VWF: variants seen among roughly 807,000 people sequenced by gnomAD.
VWF encodes the protein von Willebrand factor.
A neutral mutation model predicts 308.6 loss-of-function variants in VWF; 176 were observed. The observed-to-expected ratio is 0.57, with a 90% CI of 0.50 to 0.65. VWF has a LOEUF of 0.65. Among genes scored for constraint, VWF ranks in the 30% least tolerant of loss-of-function variants. The pLI, the probability that VWF is intolerant of heterozygous loss-of-function variation, is 0.00. For missense variants in VWF, 3,146 were observed against 3,648.2 expected (o/e 0.86, Z 3.55); for synonymous variants, 1,385 against 1,443.4 (o/e 0.96, Z 0.92).
chr12:6,069,262 G>T (rs1330803437), intron 10 of VWF, among the ~76,000 whole-genome samples: 1 of 152,152 alleles, frequency 6.6e-6, no homozygotes, highest in Non-Finnish European at 1.5e-5. Context: ...GCATAGAGAA[G>T]TTCAACTCAT....
At position 6,019,726 on chromosome 12, in the gene VWF, T is replaced by G. The variant is rs61749368; in HGVS notation, c.3692A>C (p.Asn1231Thr). The G allele has an allele frequency of 2.1e-3, 3,394 of 1,610,398 alleles. 14 individuals are homozygous for G. Among genetic ancestry groups the G allele is most frequent in the African/African-American group, 0.012 (900 of 74,802 alleles). ...CTCCTGGCAGGCTTCACAGGTGAGG[T>G]TGACAACATCACAGTGGCTGCAGAA... ...HCQICHCDVV[N>T]LTCEACQEPG... Residue 1231 changes from asparagine to threonine, a missense_variant, in exon 28 of 52, where the codon AAC becomes ACC. Coordinates refer to ENST00000261405, the MANE Select transcript of VWF (RefSeq NM_000552.5). This position sits in a 1 kb window ranked among gnomAD's most constrained non-coding sequence, Gnocchi z 5.8.
chr12:5,957,931 T>C (rs1208443365), intron 47 of VWF, among the ~76,000 whole-genome samples: 6 of 152,206 alleles, frequency 3.9e-5, no homozygotes, highest in Non-Finnish European at 5.9e-5. Flanking sequence ...AATTTCTCTC[T>C]TCTTATGTAG....
intron 5 of VWF, among the ~76,000 whole-genome samples, chr12:6,101,077 A>G (rs780596483): frequency 6.6e-6 from 1 of 152,230 alleles, no homozygotes; most frequent in African/African-American, 2.4e-5. Context: ...AGCCAGGTTT[A>G]CCTTCTAAAA....
chr12:6,033,600 G>A lies in VWF; in HGVS notation c.2685+1088C>T, dbSNP rs535529623. Among the ~76,000 whole-genome samples, 9 of 152,336 alleles carry A rather than the reference G, an allele frequency of 5.9e-5. No individual in the cohort carries two copies. The South Asian group carries it at 1.9e-3, about 32-fold the overall frequency. On this transcript the variant is annotated intron_variant, in intron 20 of 51. Coordinates refer to ENST00000261405, the MANE Select transcript of VWF (RefSeq NM_000552.5). ...AGAATCTCTGGGAAAGCTCTAAAGG[G>A]GCGCATATCCCCCCGGATCATAGGT...
rs886049745 is a variant in VWF, at chr12:6,071,311, T to C, written c.1142A>G (p.Asn381Ser). The change falls in exon 10 of 52, where the codon AAT (asparagine) becomes AGT (serine). Residue 381 changes from asparagine to serine, a missense_variant. Around this residue, in one of 3 missense-constraint regions of VWF, gnomAD observed 1,304 missense variants for 1,353.0 expected, o/e 0.96. Coordinates refer to ENST00000261405, the MANE Select transcript of VWF (RefSeq NM_000552.5). Reference protein sequence around the residue: ...ICRNSQWICSNEECPGECLVT... With the variant: ...ICRNSQWICSSEECPGECLVT... ...AGGTCGCCTACCTGGACATTCTTCATTGCTGCAGATCCACTGGCTGTTTCG... is the reference window on the plus strand; with the variant it reads ...AGGTCGCCTACCTGGACATTCTTCACTGCTGCAGATCCACTGGCTGTTTCG... 1.4e-5 allele frequency: 22 copies of C among 1,614,176 alleles called. No homozygotes were observed. The highest frequency in any genetic ancestry group is 1.9e-5 in the Non-Finnish European group (22 of 1,180,018).
At chr12:6,113,934 G>A (rs1400574548) in intron 3 of VWF, among the ~76,000 whole-genome samples, 4 of 152,236 alleles carry the variant, frequency 2.6e-5, no homozygotes, top group African/African-American at 9.6e-5. Context: ...CAGAGCAGAA[G>A]CCTCCACCTG....
rs1565847336 is a variant in VWF, at chr12:6,057,831, G to A, written c.1729+18C>T. On this transcript the variant is annotated intron_variant, in intron 14 of 51. Coordinates refer to ENST00000261405, the MANE Select transcript of VWF (RefSeq NM_000552.5). Reference sequence around the variant, plus strand: ...CGAGATTCTGCGAGGTCCCTGCCTTGCCCCCGGGTTCACATACTCATGCGC... The same window carrying A: ...CGAGATTCTGCGAGGTCCCTGCCTTACCCCCGGGTTCACATACTCATGCGC... 1 of 1,594,512 alleles carries A rather than the reference G, an allele frequency of 6.3e-7. No individual in the cohort carries two copies. The highest frequency in any genetic ancestry group is 2.2e-5 in the East Asian group (1 of 44,612).
chr12:6,050,602 C>T (rs1944497713), intron 16 of VWF, among the ~76,000 whole-genome samples: 1 of 152,216 alleles, frequency 6.6e-6, no homozygotes, highest in South Asian at 2.1e-4. Context: ...TGCCAGAGGA[C>T]TTACCTTGGG....
At chr12:5,955,788 C>T (rs1446978985) in intron 47 of VWF, among the ~76,000 whole-genome samples, 1 of 152,076 alleles carries the variant, frequency 6.6e-6, no homozygotes, top group East Asian at 1.9e-4. Flanking sequence ...GGAAAAAAAT[C>T]AAATGGAAAT....
At chr12:6,084,792 G>A (rs999284882) in intron 6 of VWF, among the ~76,000 whole-genome samples, 1 of 152,116 alleles carries the variant, frequency 6.6e-6, no homozygotes, top group Non-Finnish European at 1.5e-5. Flanking sequence ...GGCGCCTGGA[G>A]TCTGAGCTGC....
At chr12:5,950,532 C>A (rs953186514) in intron 50 of VWF, among the ~76,000 whole-genome samples, 1 of 152,128 alleles carries the variant, frequency 6.6e-6, no homozygotes, top group Non-Finnish European at 1.5e-5. Flanking sequence ...CCAGTCTGAA[C>A]ACTGGGAGTT....
chr12:6,103,389 T>C (rs1945193308), intron 5 of VWF, among the ~76,000 whole-genome samples: 1 of 136,722 alleles, frequency 7.3e-6, no homozygotes, highest in Admixed American at 7.1e-5. Flanking sequence ...TATACACGTG[T>C]GTGTATACAC....
intron 47 of VWF, among the ~76,000 whole-genome samples, chr12:5,960,859 A>C (rs1425022754): frequency 6.6e-6 from 1 of 152,238 alleles, no homozygotes; most frequent in Non-Finnish European, 1.5e-5. Flanking sequence ...AGGGGGCCCC[A>C]GTACCAGTCC....
intron 47 of VWF, 98 bp from the exon 48 acceptor site, chr12:5,953,692 A>G (rs772047315): frequency 8.5e-6 from 8 of 938,590 alleles, no homozygotes; most frequent in African/African-American, 1.6e-5. Context: ...TCTCTCATCC[A>G]GTAGTTTCAC....
chr12:5,998,589 CA>C (rs1164942031), intron 34 of VWF, among the ~76,000 whole-genome samples: 3 of 134,068 alleles, frequency 2.2e-5, no homozygotes, highest in East Asian at 4.2e-4. Context: ...AACTACAAGG[CA>C]AATAAATATG....
chr12:6,023,537 C>T (rs1944154242), intron 25 of VWF, 94 bp downstream of exon 25: 2 of 1,543,048 alleles, frequency 1.3e-6, no homozygotes, highest in African/African-American at 2.7e-5. Flanking sequence ...TTCTCTCGCC[C>T]ATGAAGATAT....
At chr12:6,007,578 A>G (rs1005206641) in intron 34 of VWF, among the ~76,000 whole-genome samples, 4 of 152,218 alleles carry the variant, frequency 2.6e-5, no homozygotes, top group Non-Finnish European at 4.4e-5. Flanking sequence ...AAAAGCAATA[A>G]AAGGAAAGTT....
rs1347912491 is a variant in VWF, at chr12:6,019,926, G to A, written c.3675-183C>T. 6.6e-6 allele frequency among the ~76,000 whole-genome samples: 1 copy of A among 152,042 alleles called. No homozygotes were observed. Among genetic ancestry groups the A allele is most frequent in the Non-Finnish European group, 1.5e-5 (1 of 68,024 alleles). ...ATTGTTTAACATCTGTCCCCAAATA[G>A]CATGCCCCCCACCTTCAAAACACAC... On this transcript the variant is annotated intron_variant, in intron 27 of 51. Transcript: ENST00000261405. This position sits in a 1 kb window ranked among gnomAD's most constrained non-coding sequence, Gnocchi z 5.8.
chr12:6,115,837 A>T (rs1010679524), intron 3 of VWF, among the ~76,000 whole-genome samples: 3 of 152,184 alleles, frequency 2.0e-5, no homozygotes, highest in Non-Finnish European at 4.4e-5. Flanking sequence ...GTCTCCAGAC[A>T]CTGCAAAATG....
Sources: gnomAD v4.1 joint callset for allele counts (sites outside exome capture counted in the v4.1 genomes callset) on GRCh38, gnomAD v4.1.1 for gene constraint, gnomAD v4.1.1 regional missense constraint, Gnocchi (gnomAD v3.1) non-coding constraint, MANE v1.5 for transcripts, NCBI Gene and HGNC (gene_info 2026-07-23, HGNC 2026-07-21) for gene names.